RPF2: variants seen among roughly 807,000 people sequenced by gnomAD.
RPF2 encodes the protein brix domain containing 1.
In RPF2, 21 loss-of-function variants were observed where a neutral mutation model predicts 38.9. The ratio of observed to expected loss-of-function variants is 0.54; its 90% CI spans 0.38 to 0.78. The LOEUF (loss-of-function observed/expected upper bound fraction) is 0.78. Ranked by LOEUF, RPF2 falls within the 30% of genes least tolerant of loss-of-function variation. RPF2 has a pLI of 0.00. For missense variants in RPF2, 314 were observed against 358.1 expected (o/e 0.88, Z 0.99); for synonymous variants, 121 against 126.2 (o/e 0.96, Z 0.28).
intron 3 of RPF2, 106 bp downstream of exon 3, chr6:110,989,171 A>C: frequency 1.8e-6 from 2 of 1,138,756 alleles, no homozygotes; most frequent in Non-Finnish European, 2.3e-6. Context: ...AAAGATATTA[A>C]AATTCCTTAC....
intron 7 of RPF2, among the ~76,000 whole-genome samples, chr6:111,011,849 A>C (rs1431838744): frequency 1.3e-5 from 2 of 152,156 alleles, no homozygotes; most frequent in Non-Finnish European, 2.9e-5. Flanking sequence ...GAATGATCAC[A>C]TAATGCAGTG....
chr6:111,017,755 C>T, intron 8 of RPF2, among the ~76,000 whole-genome samples: 1 of 150,486 alleles, frequency 6.6e-6, no homozygotes, highest in Non-Finnish European at 1.5e-5. Flanking sequence ...AGGGGCTCCT[C>T]ACATCCCAGA....
chr6:110,994,176 G>A (rs781595921), intron 4 of RPF2, among the ~76,000 whole-genome samples: 5 of 152,012 alleles, frequency 3.3e-5, no homozygotes, highest in Non-Finnish European at 7.4e-5. Flanking sequence ...CTCGGGAGGT[G>A]AGGCAGGAGA....
At chr6:111,006,095 C>T (rs573280995) in intron 6 of RPF2, among the ~76,000 whole-genome samples, 12 of 151,710 alleles carry the variant, frequency 7.9e-5, no homozygotes, top group South Asian at 6.3e-4. Flanking sequence ...GGTGAGTCAC[C>T]GTGCCCAGCC....
chr6:110,982,270 C>G (rs1354612630), intron 1 of RPF2, 141 bp downstream of exon 1: 1 of 917,590 alleles, frequency 1.1e-6, no homozygotes, highest in Non-Finnish European at 1.7e-6. Flanking sequence ...CAGCCCGGGT[C>G]CTCCTCAGCG....
chr6:111,024,538 C>T (rs1314809596), intron 9 of RPF2, among the ~76,000 whole-genome samples: 1 of 151,672 alleles, frequency 6.6e-6, no homozygotes, highest in African/African-American at 2.4e-5. Context: ...ACAGTGAAAC[C>T]CCGTCTCTAT....
chr6:111,024,582 G>A lies in RPF2; in HGVS notation c.741+255G>A, dbSNP rs573032141. On this transcript the variant is annotated intron_variant, in intron 9 of 9. Transcript: ENST00000441448. ...CAAAAAATTAGCTGGGCGTGGTAGC[G>A]GGCGCCTGTAGTCCCAGCTACTTGG... 3.0e-4 allele frequency among the ~76,000 whole-genome samples: 46 copies of A among 151,960 alleles called. 1 individual carries two copies. In the East Asian group the frequency reaches 3.5e-3, roughly 11 times the overall value.
At chr6:111,007,718 G>T (rs1400185093) in intron 6 of RPF2, among the ~76,000 whole-genome samples, 1 of 152,118 alleles carries the variant, frequency 6.6e-6, no homozygotes, top group Non-Finnish European at 1.5e-5. Context: ...GCTGAGGCAG[G>T]CGGATCATTT....
intron 8 of RPF2, among the ~76,000 whole-genome samples, chr6:111,017,468 C>T (rs77173875): frequency 3.7e-4 from 55 of 150,562 alleles, no homozygotes; most frequent in Middle Eastern, 3.5e-3. Context: ...GGGCGGCTGC[C>T]GGGCGGAGGG....
chr6:111,019,440 A>AAAAAC (rs1358516393), intron 8 of RPF2, among the ~76,000 whole-genome samples: 1 of 152,072 alleles, frequency 6.6e-6, no homozygotes, highest in South Asian at 2.1e-4. Context: ...ACTGTCTGAA[A>AAAAAC]AAAACAAAAC....
chr6:111,007,197 A>G (rs1583269044), intron 6 of RPF2, among the ~76,000 whole-genome samples: 1 of 152,100 alleles, frequency 6.6e-6, no homozygotes, highest in Non-Finnish European at 1.5e-5. Context: ...ATTTATTTTG[A>G]TTCAGGGTTG....
rs2297857 is a variant in RPF2 at position 110,985,422 on chromosome 6, A to T, written c.156+284A>T. 0.038 allele frequency among the ~76,000 whole-genome samples: 5,833 copies of T among 152,286 alleles called. 529 individuals carry two copies. In the East Asian group the frequency reaches 0.41, roughly 11 times the overall value. On this transcript the variant is annotated intron_variant, in intron 2 of 9. Coordinates refer to ENST00000441448, the MANE Select transcript of RPF2 (RefSeq NM_032194.3). ...ATTTAAACTGTTTTCAATTACTAGA[A>T]TTTGGCTTACTTACATTTTAGGAAA...
At chr6:111,016,989 C>T (rs1333199585) in intron 8 of RPF2, among the ~76,000 whole-genome samples, 1 of 152,116 alleles carries the variant, frequency 6.6e-6, no homozygotes, top group East Asian at 1.9e-4. Context: ...TCAGAGAGCA[C>T]CGGCTTGGGG....
chr6:111,018,175 T>C (rs1268022142), intron 8 of RPF2, among the ~76,000 whole-genome samples: 1 of 148,004 alleles, frequency 6.8e-6, no homozygotes, highest in Non-Finnish European at 1.5e-5. Context: ...ACAGTCCAGC[T>C]TCGGCTCGGC....
intron 1 of RPF2, among the ~76,000 whole-genome samples, chr6:110,984,214 TTAAACC>T (rs1771484039): frequency 6.6e-6 from 1 of 152,172 alleles, no homozygotes; most frequent in Non-Finnish European, 1.5e-5. Context: ...CATTGTGGTC[TTAAACC>T]TAAAAGAAAA....
At chr6:110,996,280 G>A (rs1429780231) in intron 4 of RPF2, among the ~76,000 whole-genome samples, 1 of 152,046 alleles carries the variant, frequency 6.6e-6, no homozygotes, top group Non-Finnish European at 1.5e-5. Context: ...CCAAGTTCAA[G>A]GAATTCTCCT....
At chr6:110,997,839 A>T (rs1421184914) in intron 5 of RPF2, among the ~76,000 whole-genome samples, 1 of 151,036 alleles carries the variant, frequency 6.6e-6, no homozygotes, top group African/African-American at 2.4e-5. Context: ...TGGGGGCTTT[A>T]TATGTGTTGG....
intron 4 of RPF2, among the ~76,000 whole-genome samples, chr6:110,996,785 T>G (rs78759204): frequency 0.091 from 13,775 of 151,922 alleles, 686 homozygotes; most frequent in Middle Eastern, 0.13. Context: ...AAAAAAACTG[T>G]TAGAGTTTTT....
chr6:111,018,290 G>A (rs895097771), intron 8 of RPF2, among the ~76,000 whole-genome samples: 11 of 152,084 alleles, frequency 7.2e-5, no homozygotes, highest in African/African-American at 1.7e-4. Context: ...TTTTTAAGGC[G>A]TTGGTACTGG....
Sources: gnomAD v4.1 joint callset for allele counts (sites outside exome capture counted in the v4.1 genomes callset) on GRCh38, gnomAD v4.1.1 for gene constraint, MANE v1.5 for transcripts, NCBI Gene and HGNC (gene_info 2026-07-23, HGNC 2026-07-21) for gene names.